The following PDE1C variants were observed in gnomAD, a reference collection of about 807,000 sequenced individuals.
PDE1C encodes the protein phosphodiesterase 1C.
In PDE1C, 62 loss-of-function variants were observed where a neutral mutation model predicts 93.1. The ratio of observed to expected loss-of-function variants is 0.67; its 90% CI spans 0.54 to 0.82. The LOEUF (loss-of-function observed/expected upper bound fraction) is 0.82, where lower values mean the gene tolerates loss of function less well. Among genes scored for constraint, PDE1C ranks in the 40% least tolerant of loss-of-function variants. The probability of loss-of-function intolerance (pLI) is 0.00; values close to 1 mark genes in which losing one functional copy is unlikely to be tolerated. For synonymous variants in PDE1C, 325 were observed against 310.1 expected, an observed-to-expected ratio of 1.05 and a Z score of -0.50; for missense variants, 742 against 884.6, an observed-to-expected ratio of 0.84 and a Z score of 2.04.
At chr7:31,683,784 T>G in the PDE1C span, among the ~76,000 whole-genome samples, 1 of 152,244 alleles carries the variant, frequency 6.6e-6, no homozygotes, top group Non-Finnish European at 1.5e-5. Context: ...TTTTATAGAT[T>G]ATTGACTAAA....
chr7:32,195,640 G>A (rs558002514), intron 2 of PDE1C, among the ~76,000 whole-genome samples: 33 of 152,180 alleles, frequency 2.2e-4, no homozygotes, highest in South Asian at 4.1e-4. Flanking sequence ...TTGCTCGAGC[G>A]CAGGAGTTCA....
the PDE1C span, among the ~76,000 whole-genome samples, chr7:31,736,354 A>G: frequency 6.6e-6 from 1 of 152,170 alleles, no homozygotes; most frequent in Non-Finnish European, 1.5e-5. Flanking sequence ...CCTAATAGAC[A>G]AGGACACATT....
chr7:32,096,812 GGGATAGAA>G (rs1277971521), intron 3 of PDE1C, among the ~76,000 whole-genome samples: 75 of 100,644 alleles, frequency 7.5e-4, no homozygotes, highest in African/African-American at 2.7e-3. Flanking sequence ...GAACCAGTAG[GGGATAGAA>G]AGATAGATAG....
intron 2 of PDE1C, among the ~76,000 whole-genome samples, chr7:31,904,708 G>C (rs1157184596): frequency 6.6e-6 from 1 of 151,640 alleles, no homozygotes; most frequent in African/African-American, 2.4e-5. Flanking sequence ...TCAATTGCAA[G>C]TAAAATTAAT....
chr7:32,157,879 A>C (rs1801678889), intron 3 of PDE1C, among the ~76,000 whole-genome samples: 1 of 152,218 alleles, frequency 6.6e-6, no homozygotes, highest in Admixed American at 6.5e-5. Flanking sequence ...ATATTGTCAA[A>C]ATATTATTTT....
chr7:32,043,713 C>T (rs1291113318), intron 2 of PDE1C, among the ~76,000 whole-genome samples: 1 of 152,164 alleles, frequency 6.6e-6, no homozygotes, highest in African/African-American at 2.4e-5. Context: ...CCACCCAAAG[C>T]TTGAGTTCCA....
chr7:32,301,072 CAA>C (rs1390740569), upstream of PDE1C, among the ~76,000 whole-genome samples: 4 of 152,098 alleles, frequency 2.6e-5, no homozygotes, highest in African/African-American at 7.2e-5. Flanking sequence ...CTCCCGAGCT[CAA>C]GTCACCCTCT....
chr7:32,174,161 A>G lies in PDE1C; in HGVS notation c.137-4205T>C, dbSNP rs181208468. Among the ~76,000 whole-genome samples the G allele has an allele frequency of 7.2e-5, 11 of 152,308 alleles. No homozygotes were observed. In the East Asian group the frequency reaches 2.1e-3, roughly 29 times the overall value. The stretch of plus-strand genomic sequence containing the variant: ...TGAAGGTCTGGTTCTGGGAAGAAGA[A>G]CAAGAACAGCAGCCTGTTTTCTTAA... On this transcript the variant is annotated intron_variant, in intron 2 of 18. Coordinates refer to the PDE1C transcript ENST00000396193.
chr7:31,988,137 G>A (rs933215167), intron 2 of PDE1C, among the ~76,000 whole-genome samples: 19 of 152,148 alleles, frequency 1.2e-4, no homozygotes, highest in African/African-American at 1.9e-4. Flanking sequence ...AGCCCTGCCC[G>A]TCCCACTGTG....
intron 2 of PDE1C, among the ~76,000 whole-genome samples, chr7:32,016,889 A>G (rs1276069821): frequency 6.6e-6 from 1 of 152,154 alleles, no homozygotes; most frequent in East Asian, 1.9e-4. Context: ...CCTCCTATAA[A>G]CAAGACACAG....
chr7:32,296,806 A>T (rs1224209228), intron 1 of PDE1C, among the ~76,000 whole-genome samples: 1 of 152,214 alleles, frequency 6.6e-6, no homozygotes, highest in Non-Finnish European at 1.5e-5. Context: ...AATACTTTTG[A>T]CTTTGGCAAC....
At chr7:32,070,962 T>G, upstream of PDE1C, 1 of 985,674 alleles carries the variant, frequency 1.0e-6, no homozygotes, top group Non-Finnish European at 1.2e-6. Context: ...CGCGCCCCTC[T>G]GTTTTCTCTC....
At chr7:31,847,447 G>A (rs1792780309) in intron 9 of PDE1C, among the ~76,000 whole-genome samples, 1 of 151,730 alleles carries the variant, frequency 6.6e-6, no homozygotes, top group Non-Finnish European at 1.5e-5. Flanking sequence ...AGATTGATAA[G>A]AAGTCCAAAT....
intron 1 of PDE1C, among the ~76,000 whole-genome samples, chr7:32,366,852 G>A (rs148813856): frequency 0.011 from 1,349 of 121,276 alleles, 12 homozygotes; most frequent in African/African-American, 0.026. Flanking sequence ...GTGAAACCCC[G>A]TCACTACTAA....
intron 2 of PDE1C, among the ~76,000 whole-genome samples, chr7:31,886,879 C>CTGAATAGATCTATTCAGAATAGATCT (rs1798013540): frequency 2.0e-5 from 3 of 151,908 alleles, no homozygotes; most frequent in African/African-American, 7.3e-5. Flanking sequence ...CGGATCTATT[C>CTGAATAGATCTATTCAGAATAGATCT]AGGGGCGTGT....
intron 2 of PDE1C, among the ~76,000 whole-genome samples, chr7:32,007,338 T>C (rs947702041): frequency 1.3e-5 from 2 of 152,198 alleles, no homozygotes; most frequent in African/African-American, 2.4e-5. Flanking sequence ...TCTACCACAC[T>C]GGCCTCCTAG....
chr7:32,374,139 C>A lies in PDE1C; in HGVS notation c.310+53683G>T, dbSNP rs1016398918. Among the ~76,000 whole-genome samples the A allele has an allele frequency of 6.1e-4, 38 of 62,436 alleles. 1 individual carries two copies. Among genetic ancestry groups the A allele is most frequent in the African/African-American group, 2.1e-3 (28 of 13,156 alleles). The allele number at this position is 62,436 out of a possible 152,430, so 41.0% of individuals were successfully genotyped here. A position where few individuals can be genotyped will look rare whatever the true frequency, so the allele number is the denominator to read the frequency against. On this transcript the variant is annotated intron_variant, in intron 1 of 1. Coordinates refer to the PDE1C transcript ENST00000672256. ...AGGAAGGAGAGAGAGAAGAAAGAGA[C>A]GAAAGAATGAAAGAAAGAAAGAGAA... is the stretch of plus-strand genomic sequence containing the variant.
intron 2 of PDE1C, among the ~76,000 whole-genome samples, chr7:31,964,251 C>T (rs902810914): frequency 2.0e-5 from 3 of 152,206 alleles, no homozygotes; most frequent in African/African-American, 7.2e-5. Flanking sequence ...TGGGGTCACT[C>T]CCACCCTAAT....
At chr7:32,185,418 G>A (rs1437786850) in intron 2 of PDE1C, among the ~76,000 whole-genome samples, 4 of 151,780 alleles carry the variant, frequency 2.6e-5, no homozygotes, top group African/African-American at 7.3e-5. Context: ...CTTCTTTTAC[G>A]TTGTTTTTAT....
Sources: allele counts gnomAD v4.1 joint callset (sites outside exome capture counted in the v4.1 genomes callset), GRCh38; gene constraint gnomAD v4.1.1; transcripts MANE v1.5; gene names NCBI Gene and HGNC (gene_info 2026-07-23, HGNC 2026-07-21).